ANKS1B: variants seen among roughly 807,000 people sequenced by gnomAD.
ANKS1B encodes ankyrin repeat and sterile alpha motif domain-containing protein 1B.
Under a neutral mutation model 148.3 loss-of-function variants are expected in ANKS1B, and 36 were observed. The observed-to-expected ratio is 0.24, with a 90% confidence interval of 0.19 to 0.32. ANKS1B has a LOEUF of 0.32. Among genes scored for constraint, ANKS1B ranks in the 10% least tolerant of loss-of-function variants. The probability of loss-of-function intolerance (pLI) is 1.00; values close to 1 mark genes in which losing one functional copy is unlikely to be tolerated. For synonymous variants in ANKS1B, 542 were observed against 560.8 expected (o/e 0.97, Z 0.47); for missense variants, 1,157 against 1,542.6 (o/e 0.75, Z 4.19).
At chr12:99,379,657 T>C (rs551830695) in intron 12 of ANKS1B, among the ~76,000 whole-genome samples, 3 of 152,312 alleles carry the variant, frequency 2.0e-5, no homozygotes, top group Non-Finnish European at 1.5e-5. Flanking sequence ...ATTACACAAG[T>C]ACAACATAGT....
intron 12 of ANKS1B, among the ~76,000 whole-genome samples, chr12:99,300,929 G>A (rs2081510245): frequency 6.6e-6 from 1 of 152,162 alleles, no homozygotes; most frequent in Admixed American, 6.6e-5. Flanking sequence ...ATTTATTATG[G>A]GAATTGGCTC....
intron 17 of ANKS1B, among the ~76,000 whole-genome samples, chr12:98,979,940 C>T (rs1202829132): frequency 6.6e-6 from 1 of 152,120 alleles, no homozygotes; most frequent in African/African-American, 2.4e-5. Context: ...TTAGGCTCTG[C>T]TAATTTTTTC....
chr12:98,751,514 G>A lies in ANKS1B; in HGVS notation c.3588C>T (p.Ala1196=). 1 of 1,613,036 alleles carries A rather than the reference G, an allele frequency of 6.2e-7. No individual in the cohort carries two copies. Among genetic ancestry groups the A allele is most frequent in the Non-Finnish European group, 8.5e-7 (1 of 1,179,624 alleles). Reference sequence around the variant, plus strand: ...GTCCCAGGGTTAGGATGATTTCATAGGCTAAATTCTGCAAGAAAAATGAGA... The same window carrying A: ...GTCCCAGGGTTAGGATGATTTCATAAGCTAAATTCTGCAAGAAAAATGAGA... ...HVFTAFDVNL[A]YEIILTLGQA... is the part of the protein sequence containing the mutation. The change falls in exon 26 of 27, where the codon GCC becomes GCT. Residue 1196 remains alanine (A), a synonymous_variant. Coordinates refer to ENST00000683438, the MANE Select transcript of ANKS1B (RefSeq NM_001352186.2). The surrounding 1 kb of genome is among the most constrained non-coding windows in gnomAD (Gnocchi z 4.3).
At chr12:98,901,119 C>G (rs544905252) in intron 17 of ANKS1B, among the ~76,000 whole-genome samples, 2 of 152,238 alleles carry the variant, frequency 1.3e-5, no homozygotes, top group African/African-American at 4.8e-5. Context: ...TATTTTTGCT[C>G]GGCTCTTGTC....
intron 1 of ANKS1B, among the ~76,000 whole-genome samples, chr12:99,853,067 C>T (rs529545906): frequency 1.3e-5 from 2 of 152,228 alleles, no homozygotes; most frequent in Non-Finnish European, 2.9e-5. Context: ...CAGCAAGCCA[C>T]GCACAAGGAG....
rs536574320 is a variant in ANKS1B, at chr12:99,551,938, C to A, written c.1273-47297G>T. Among the ~76,000 whole-genome samples the A allele has an allele frequency of 7.2e-5, 11 of 152,132 alleles. No homozygotes were observed. In the East Asian group the frequency reaches 1.9e-3, roughly 27 times the overall value. On this transcript the variant is annotated intron_variant, in intron 9 of 26. Transcript: ENST00000683438. ...TTGCCTCTCCAGATTTAAGGGCCAC[C>A]TCCCCCCACCACACACACACATCTG... is the stretch of plus-strand genomic sequence containing the variant.
At chr12:99,530,826 C>T (rs1255514829) in intron 9 of ANKS1B, among the ~76,000 whole-genome samples, 2 of 152,102 alleles carry the variant, frequency 1.3e-5, no homozygotes, top group African/African-American at 4.8e-5. Flanking sequence ...TGTCAGAGGA[C>T]AATCATGATC....
At chr12:99,968,985 C>T (rs1384406660) in intron 1 of ANKS1B, among the ~76,000 whole-genome samples, 2 of 152,164 alleles carry the variant, frequency 1.3e-5, no homozygotes, top group African/African-American at 4.8e-5. Context: ...GCCTGCAGAA[C>T]CCTGAGCCAA....
chr12:99,870,306 G>T (rs1258563559), intron 1 of ANKS1B, among the ~76,000 whole-genome samples: 1 of 152,148 alleles, frequency 6.6e-6, no homozygotes, highest in African/African-American at 2.4e-5. Context: ...GTATTCCACT[G>T]TATATACGTA....
intron 12 of ANKS1B, among the ~76,000 whole-genome samples, chr12:99,290,601 T>C (rs1406525022): frequency 1.3e-5 from 2 of 152,200 alleles, no homozygotes; most frequent in African/African-American, 4.8e-5. Flanking sequence ...ATCCCTGGAA[T>C]GCAAGGATGG....
intron 9 of ANKS1B, among the ~76,000 whole-genome samples, chr12:99,512,377 GATT>G (rs1352242784): frequency 6.6e-6 from 1 of 151,842 alleles, no homozygotes; most frequent in Non-Finnish European, 1.5e-5. Context: ...TCAGAATGAT[GATT>G]ATTAAAAAGT....
At chr12:99,468,188 A>G (rs1462655256) in intron 10 of ANKS1B, among the ~76,000 whole-genome samples, 2 of 152,144 alleles carry the variant, frequency 1.3e-5, no homozygotes, top group East Asian at 1.9e-4. Flanking sequence ...AGCAATGGGG[A>G]AAGGATTCCC....
chr12:99,251,534 C>T (rs2074595831), intron 12 of ANKS1B, among the ~76,000 whole-genome samples: 1 of 152,006 alleles, frequency 6.6e-6, no homozygotes, highest in Non-Finnish European at 1.5e-5. Flanking sequence ...TATTTCATGC[C>T]AAGGTACAGA....
intron 9 of ANKS1B, among the ~76,000 whole-genome samples, chr12:99,602,497 T>C (rs1326605322): frequency 6.6e-6 from 1 of 152,100 alleles, no homozygotes; most frequent in African/African-American, 2.4e-5. Flanking sequence ...GGGTATCCAA[T>C]TGAGACAATT....
At chr12:99,729,188 T>G (rs959058942) in intron 8 of ANKS1B, among the ~76,000 whole-genome samples, 8 of 152,236 alleles carry the variant, frequency 5.3e-5, no homozygotes, top group Non-Finnish European at 1.0e-4. Context: ...TTTATTCATC[T>G]TTCTATTTGA....
chr12:99,494,072 T>C (rs889203648), intron 10 of ANKS1B, among the ~76,000 whole-genome samples: 1 of 152,092 alleles, frequency 6.6e-6, no homozygotes, highest in Non-Finnish European at 1.5e-5. Context: ...CATAATAAGA[T>C]GAAAATCTAC....
intron 22 of ANKS1B, among the ~76,000 whole-genome samples, chr12:98,788,750 G>A (rs532935758): frequency 3.4e-4 from 52 of 152,330 alleles, no homozygotes; most frequent in East Asian, 3.1e-3. Context: ...AAATGCGGTC[G>A]ATCAGTTTGA....
At chr12:99,768,475 G>A (rs1400772154) in intron 8 of ANKS1B, among the ~76,000 whole-genome samples, 2 of 152,160 alleles carry the variant, frequency 1.3e-5, no homozygotes, top group Admixed American at 6.5e-5. Context: ...TATTAAGGAG[G>A]GGGTGTTGGG....
At chr12:99,152,030 T>C (rs1168091014) in intron 15 of ANKS1B, among the ~76,000 whole-genome samples, 1 of 152,186 alleles carries the variant, frequency 6.6e-6, no homozygotes, top group Non-Finnish European at 1.5e-5. Flanking sequence ...GAGTGGAGAC[T>C]AAGCAAGTCT....
Sources: allele counts gnomAD v4.1 joint callset (sites outside exome capture counted in the v4.1 genomes callset), GRCh38; gene constraint gnomAD v4.1.1; non-coding constraint Gnocchi (gnomAD v3.1); transcripts MANE v1.5; gene names NCBI Gene and HGNC (gene_info 2026-07-23, HGNC 2026-07-21).